LRRTM4: variants seen among roughly 807,000 people sequenced by gnomAD.
LRRTM4 encodes leucine rich repeat transmembrane neuronal 4.
In LRRTM4, 25 loss-of-function variants were observed where a neutral mutation model predicts 47.6. The observed-to-expected ratio is 0.53, with a 90% CI of 0.38 to 0.73. The LOEUF is 0.73. Among genes scored for constraint, LRRTM4 ranks in the 30% least tolerant of loss-of-function variants. The pLI, the probability that LRRTM4 is intolerant of heterozygous loss-of-function variation, is 0.00. For synonymous variants in LRRTM4, 311 were observed against 269.5 expected, an observed-to-expected ratio of 1.15 and a Z score of -1.51; for missense variants, 638 against 713.4, an observed-to-expected ratio of 0.89 and a Z score of 1.20.
chr2:77,214,237 G>C (rs534185159), intron 3 of LRRTM4, among the ~76,000 whole-genome samples: 57 of 152,308 alleles, frequency 3.7e-4, no homozygotes, highest in African/African-American at 1.4e-3. Context: ...ACGGGACAAA[G>C]TTGTCACTTG....
At chr2:76,905,992 A>G (rs1673821766) in intron 3 of LRRTM4, among the ~76,000 whole-genome samples, 1 of 152,128 alleles carries the variant, frequency 6.6e-6, no homozygotes, top group Non-Finnish European at 1.5e-5. Flanking sequence ...GGAAATACAG[A>G]GAACGCCACA....
At chr2:77,313,702 C>A (rs1346342308) in intron 3 of LRRTM4, among the ~76,000 whole-genome samples, 1 of 152,074 alleles carries the variant, frequency 6.6e-6, no homozygotes, top group Non-Finnish European at 1.5e-5. Context: ...ATCCTGTCCC[C>A]AATTTCTCCT....
In LRRTM4 at chr2:77,430,909, T is replaced by TA. The variant is rs940880671; in HGVS notation, c.1551+87408dup. On this transcript the variant is annotated intron_variant, in intron 3 of 3. Transcript: ENST00000409884. ...CCATCCAATCAGATGGGGGCCCAGATAAAAAAAAAGTCAGAGGAAAGGCCA... is the reference window on the plus strand; with the variant it reads ...CCATCCAATCAGATGGGGGCCCAGATAAAAAAAAAAGTCAGAGGAAAGGCCA... Among the ~76,000 whole-genome samples the TA allele has an allele frequency of 8.8e-5, 13 of 146,966 alleles. 1 individual carries two copies. The highest frequency in any genetic ancestry group is 3.9e-4 in the East Asian group (2 of 5,118).
chr2:77,521,478 T>TA (rs113233659), intron 2 of LRRTM4, among the ~76,000 whole-genome samples, 190 bp downstream of exon 2: 34 of 149,068 alleles, frequency 2.3e-4, no homozygotes, highest in East Asian at 6.0e-4. Flanking sequence ...ATTTATAGAT[T>TA]AAAAAAAAAA....
chr2:77,197,309 A>G (rs1673856141), intron 3 of LRRTM4, among the ~76,000 whole-genome samples: 1 of 152,184 alleles, frequency 6.6e-6, no homozygotes, highest in Non-Finnish European at 1.5e-5. Flanking sequence ...TATGAAGGTT[A>G]ACATAGTAAG....
rs557193507 is a variant in LRRTM4 at position 77,052,844 on chromosome 2, A to T, written c.1552-303928T>A. On this transcript the variant is annotated intron_variant, in intron 3 of 3. Transcript: ENST00000409884. The stretch of plus-strand genomic sequence containing the variant: ...TAAAAAACAGTGAAAAATGTGTTTG[A>T]TGTAAGACTCAGCCTAATTGATTTT... Among the ~76,000 whole-genome samples the T allele has an allele frequency of 2.1e-3, 312 of 152,180 alleles. 1 individual carries two copies. The highest frequency in any genetic ancestry group is 3.2e-3 in the Non-Finnish European group (220 of 68,000).
At chr2:76,767,387 G>T (rs1673498528) in intron 3 of LRRTM4, among the ~76,000 whole-genome samples, 1 of 152,154 alleles carries the variant, frequency 6.6e-6, no homozygotes, top group Non-Finnish European at 1.5e-5. Flanking sequence ...CTCATTTAGT[G>T]TTCACAGCAA....
chr2:76,955,741 A>C (rs1312228303), intron 3 of LRRTM4, among the ~76,000 whole-genome samples: 1 of 151,722 alleles, frequency 6.6e-6, no homozygotes, highest in East Asian at 2.0e-4. Context: ...TTCACTCTCC[A>C]CTTGGGGAGG....
intron 3 of LRRTM4, among the ~76,000 whole-genome samples, chr2:76,980,223 T>C (rs1413061796): frequency 6.6e-6 from 1 of 151,960 alleles, no homozygotes; most frequent in African/African-American, 2.4e-5. Context: ...AAATGAGAAA[T>C]GGAGAAAGTA....
intron 3 of LRRTM4, among the ~76,000 whole-genome samples, chr2:77,095,666 G>A (rs552436034): frequency 1.5e-4 from 23 of 151,632 alleles, no homozygotes; most frequent in Non-Finnish European, 2.5e-4. Context: ...TAGCCACCAC[G>A]CCCGGCTAAT....
chr2:76,997,913 G>C (rs1677260499), intron 3 of LRRTM4, among the ~76,000 whole-genome samples: 1 of 151,828 alleles, frequency 6.6e-6, no homozygotes, highest in African/African-American at 2.4e-5. Context: ...GCATGTGAGG[G>C]ATCTAGGTTG....
intron 3 of LRRTM4, among the ~76,000 whole-genome samples, chr2:77,369,062 T>C (rs778287961): frequency 1.3e-5 from 2 of 151,808 alleles, no homozygotes; most frequent in Non-Finnish European, 2.9e-5. Flanking sequence ...TATCTCCTAG[T>C]GGTTTTGATT....
intron 3 of LRRTM4, among the ~76,000 whole-genome samples, chr2:77,234,320 T>A (rs1308229405): frequency 6.6e-6 from 1 of 152,170 alleles, no homozygotes; most frequent in Non-Finnish European, 1.5e-5. Context: ...TAGAAGAGAC[T>A]AAAGGGGTTG....
At chr2:77,137,709 T>G (rs1035114057) in intron 3 of LRRTM4, among the ~76,000 whole-genome samples, 4 of 152,030 alleles carry the variant, frequency 2.6e-5, no homozygotes, top group African/African-American at 7.2e-5. Flanking sequence ...GACCCATCAG[T>G]GTGCTGTATT....
intron 3 of LRRTM4, among the ~76,000 whole-genome samples, chr2:76,833,826 G>C (rs939135717): frequency 6.6e-6 from 1 of 151,332 alleles, no homozygotes; most frequent in Non-Finnish European, 1.5e-5. Context: ...ATTTTAATAT[G>C]CATGTACCTT....
At chr2:76,989,488 A>G (rs1676926307) in intron 3 of LRRTM4, among the ~76,000 whole-genome samples, 1 of 151,922 alleles carries the variant, frequency 6.6e-6, no homozygotes, top group African/African-American at 2.4e-5. Flanking sequence ...TGGATATAGT[A>G]CCAAAAAGGA....
At chr2:77,071,854 G>A (rs905597222) in intron 3 of LRRTM4, among the ~76,000 whole-genome samples, 3 of 152,132 alleles carry the variant, frequency 2.0e-5, no homozygotes, top group Admixed American at 6.5e-5. Context: ...CATTTGTGAA[G>A]GAAAGTTGAG....
chr2:77,049,301 TTTTTC>T (rs1346639135), intron 3 of LRRTM4, among the ~76,000 whole-genome samples: 19 of 151,424 alleles, frequency 1.3e-4, no homozygotes, highest in East Asian at 9.8e-4. Flanking sequence ...TTTCTTTTCC[TTTTTC>T]TTTTCTTTTT....
At chr2:77,341,908 T>C (rs544301302) in intron 3 of LRRTM4, among the ~76,000 whole-genome samples, 14 of 152,086 alleles carry the variant, frequency 9.2e-5, no homozygotes, top group African/African-American at 3.4e-4. Context: ...TGAAAGGCAT[T>C]GTAAGGGGCT....
Sources: gnomAD v4.1 joint callset for allele counts (sites outside exome capture counted in the v4.1 genomes callset) on GRCh38, gnomAD v4.1.1 for gene constraint, MANE v1.5 for transcripts, NCBI Gene and HGNC (gene_info 2026-07-23, HGNC 2026-07-21) for gene names.